Variants in PAIP2B observed in about 807,000 individuals in gnomAD.
PAIP2B encodes polyadenylate-binding protein-interacting protein 2B.
A neutral mutation model predicts 17.0 loss-of-function variants in PAIP2B; 13 were observed. The observed-to-expected ratio is 0.76, with a 90% CI of 0.50 to 1.22. The LOEUF is 1.22. Among genes scored for constraint, PAIP2B ranks in the 50% most tolerant of loss-of-function variants. The pLI is 0.00. For missense variants in PAIP2B, 117 were observed against 144.5 expected (o/e 0.81, Z 0.98); for synonymous variants, 43 against 48.7 (o/e 0.88, Z 0.48).
intron 2 of PAIP2B, among the ~76,000 whole-genome samples, chr2:71,199,589 C>T (rs939193192): frequency 6.7e-5 from 10 of 148,742 alleles, no homozygotes; most frequent in South Asian, 4.2e-4. Context: ...TTTTTTGAGA[C>T]GGAGTCTTAC....
chr2:71,189,835 T>C lies in PAIP2B; in HGVS notation c.315+10A>G, dbSNP rs1478386442. The C allele has an allele frequency of 1.9e-6, 3 of 1,547,522 alleles. No individual in the cohort carries two copies. The highest frequency in any genetic ancestry group is 2.6e-6 in the Non-Finnish European group (3 of 1,144,572). On this transcript the variant is annotated intron_variant, in intron 3 of 3. Coordinates refer to ENST00000244221, the MANE Select transcript of PAIP2B (RefSeq NM_020459.1). ...ACTACATAACCTGGGGAACTACATA[T>C]GGCTCTTACCAAAATATCTTCAGAA...
chr2:71,190,542 T>C (rs1674663045), intron 2 of PAIP2B, among the ~76,000 whole-genome samples: 2 of 152,230 alleles, frequency 1.3e-5, no homozygotes, highest in Admixed American at 1.3e-4. Context: ...TTATTTTTTC[T>C]CAACCAAATT....
intron 1 of PAIP2B, among the ~76,000 whole-genome samples, chr2:71,207,742 G>C (rs896337512): frequency 1.3e-5 from 2 of 152,156 alleles, no homozygotes; most frequent in Non-Finnish European, 2.9e-5. Context: ...TAGATGTGGG[G>C]AGTCAGAGTG....
intron 1 of PAIP2B, among the ~76,000 whole-genome samples, chr2:71,211,670 C>T (rs1254236699): frequency 6.6e-6 from 1 of 150,820 alleles, no homozygotes; most frequent in Non-Finnish European, 1.5e-5. Flanking sequence ...ATTTACCAAG[C>T]ATTTCCCAAA....
At chr2:71,197,730 A>G (rs1291748041) in intron 2 of PAIP2B, among the ~76,000 whole-genome samples, 1 of 152,222 alleles carries the variant, frequency 6.6e-6, no homozygotes, top group Non-Finnish European at 1.5e-5. Context: ...GTAAAAGGTA[A>G]GGAGGAGCAA....
chr2:71,210,527 A>G (rs929104219), intron 1 of PAIP2B, among the ~76,000 whole-genome samples: 3 of 152,242 alleles, frequency 2.0e-5, no homozygotes, highest in Admixed American at 2.0e-4. Flanking sequence ...TTGCAAATAT[A>G]ACGTCAGTGA....
intron 1 of PAIP2B, among the ~76,000 whole-genome samples, chr2:71,212,206 CA>C (rs1245827193): frequency 1.5e-4 from 23 of 152,170 alleles, no homozygotes; most frequent in African/African-American, 5.3e-4. Context: ...ATAATTATAT[CA>C]AATAAATGCC....
intron 1 of PAIP2B, among the ~76,000 whole-genome samples, chr2:71,218,087 G>A (rs944564279): frequency 1.3e-5 from 2 of 151,878 alleles, no homozygotes; most frequent in African/African-American, 4.8e-5. Context: ...CCCTACTCCT[G>A]TTTACACTAA....
chr2:71,210,005 T>C (rs1675252898), intron 1 of PAIP2B, among the ~76,000 whole-genome samples: 2 of 152,082 alleles, frequency 1.3e-5, no homozygotes, highest in African/African-American at 4.8e-5. Flanking sequence ...TTTGTATTTT[T>C]AGTAGAGACA....
At chr2:71,211,938 C>T (rs1449679490) in intron 1 of PAIP2B, among the ~76,000 whole-genome samples, 2 of 152,126 alleles carry the variant, frequency 1.3e-5, no homozygotes, top group Non-Finnish European at 2.9e-5. Flanking sequence ...CCTCAAGTTC[C>T]AACTCCTTGC....
intron 1 of PAIP2B, among the ~76,000 whole-genome samples, chr2:71,217,841 G>A (rs13406418): frequency 1.2e-3 from 187 of 152,066 alleles, no homozygotes; most frequent in Non-Finnish European, 1.9e-3. Context: ...GCCAAGGGGG[G>A]AGATTACTTG....
intron 2 of PAIP2B, among the ~76,000 whole-genome samples, chr2:71,195,629 A>G (rs1048869214): frequency 6.6e-6 from 1 of 151,980 alleles, no homozygotes; most frequent in Admixed American, 6.6e-5. Context: ...TACTGCAGCT[A>G]CTAGCCTATT....
intron 1 of PAIP2B, among the ~76,000 whole-genome samples, chr2:71,210,885 A>G (rs1369819682): frequency 1.3e-5 from 2 of 152,242 alleles, no homozygotes; most frequent in African/African-American, 2.4e-5. Context: ...ACTTAATTAC[A>G]GCAACAGTCT....
intron 2 of PAIP2B, among the ~76,000 whole-genome samples, chr2:71,194,353 T>A (rs1249412941): frequency 1.3e-5 from 2 of 152,204 alleles, no homozygotes; most frequent in African/African-American, 2.4e-5. Flanking sequence ...TCCATGAGCA[T>A]GGGATGTTTT....
chr2:71,208,587 G>GC (rs1004861450), intron 1 of PAIP2B, among the ~76,000 whole-genome samples: 12 of 151,950 alleles, frequency 7.9e-5, no homozygotes, highest in East Asian at 7.7e-4. Flanking sequence ...TTAAATGGTA[G>GC]CCCCCCCAAA....
chr2:71,190,141 T>G lies in PAIP2B; in HGVS notation c.139-120A>C, dbSNP rs555135013. Reference sequence around the variant, plus strand: ...TCTGCAATTAAGAATGATCTTGAGCTGGGTGTGGTGGCTCACAACTGTAAT... The same window carrying G: ...TCTGCAATTAAGAATGATCTTGAGCGGGGTGTGGTGGCTCACAACTGTAAT... On this transcript the variant is annotated intron_variant, in intron 2 of 3. Transcript: ENST00000244221. 2.9e-4 allele frequency: 292 copies of G among 1,003,860 alleles called. 6 individuals carry two copies. In the South Asian group the frequency reaches 4.2e-3, roughly 14 times the overall value. 62.2% of individuals were successfully genotyped at this position (1,003,860 alleles called of 1,614,324 possible). A position where few individuals can be genotyped will look rare whatever the true frequency, so the allele number is the denominator to read the frequency against.
intron 1 of PAIP2B, among the ~76,000 whole-genome samples, chr2:71,212,039 T>C (rs1675314860): frequency 1.3e-5 from 2 of 152,180 alleles, no homozygotes; most frequent in Non-Finnish European, 2.9e-5. Flanking sequence ...CAAAAAGATA[T>C]AGACTATTAA....
chr2:71,219,032 C>T (rs10865383), intron 1 of PAIP2B, among the ~76,000 whole-genome samples: 89,812 of 148,156 alleles, frequency 0.61, 27,870 homozygotes, highest in Middle Eastern at 0.69. Flanking sequence ...TCTCCTGCCT[C>T]AGCCTCCCGA....
Position 71,187,506 on chromosome 2 carries a change from G to A in PAIP2B, c.*973C>T, listed in dbSNP as rs1425956570. On this transcript the variant is annotated 3_prime_UTR_variant, in exon 4 of 4. Transcript: ENST00000244221. ...TTTCCTTAAAAAAGTGCATAAACTT[G>A]TCTGAGGGAATTAAGACACCAGGAA... 6.6e-6 allele frequency: 1 copy of A among 152,160 alleles called. No homozygotes were observed. The highest frequency in any genetic ancestry group is 2.4e-5 in the African/African-American group (1 of 41,424). The allele number at this position is 152,160 out of a possible 1,614,324, so 9.4% of individuals were successfully genotyped here.
Sources: allele counts gnomAD v4.1 joint callset (sites outside exome capture counted in the v4.1 genomes callset), GRCh38; gene constraint gnomAD v4.1.1; transcripts MANE v1.5; gene names NCBI Gene and HGNC (gene_info 2026-07-23, HGNC 2026-07-21).